The following MYEF2 variants were observed in gnomAD, a reference collection of about 807,000 sequenced individuals.
MYEF2 encodes myelin expression factor 2.
In MYEF2, 37 loss-of-function variants were observed where a neutral mutation model predicts 75.2. The observed-to-expected ratio is 0.49, with a 90% CI of 0.38 to 0.65. The LOEUF (loss-of-function observed/expected upper bound fraction) is 0.65, where lower values mean the gene tolerates loss of function less well. Ranked by LOEUF, MYEF2 falls within the 30% of genes least tolerant of loss-of-function variation. The pLI, the probability that MYEF2 is intolerant of heterozygous loss-of-function variation, is 0.00. For synonymous variants in MYEF2, 195 were observed against 241.6 expected (o/e 0.81, Z 1.79); for missense variants, 634 against 771.4 (o/e 0.82, Z 2.11).
intron 14 of MYEF2, among the ~76,000 whole-genome samples, chr15:48,150,165 C>T (rs2039438618): frequency 6.6e-6 from 1 of 151,864 alleles, no homozygotes; most frequent in Non-Finnish European, 1.5e-5. Flanking sequence ...CATGGAAATT[C>T]TAAAAATTAA....
Position 48,136,954 on chromosome 15 carries a change from G to T in MYEF2, c.*5954C>A. 6.2e-7 allele frequency: 1 copy of T among 1,605,842 alleles called. No individual in the cohort carries two copies. Among genetic ancestry groups the T allele is most frequent in the Non-Finnish European group, 8.5e-7 (1 of 1,174,072 alleles). ...TATAAGTTTACATGGCCTTAGTCAGGTTTCTGAAGGTAATCACTAAATCTT... is the reference window on the plus strand; with the variant it reads ...TATAAGTTTACATGGCCTTAGTCAGTTTTCTGAAGGTAATCACTAAATCTT... On this transcript the variant is annotated 3_prime_UTR_variant, in exon 17 of 17. Transcript: ENST00000324324.
intron 1 of MYEF2, 151 bp downstream of exon 1, chr15:48,177,926 A>G: frequency 9.2e-7 from 1 of 1,090,904 alleles, no homozygotes; most frequent in Non-Finnish European, 1.3e-6. Context: ...GGAGCGGCCC[A>G]GCTGCACCTG....
intron 9 of MYEF2, among the ~76,000 whole-genome samples, chr15:48,156,009 C>T (rs2039684147): frequency 2.0e-5 from 3 of 151,988 alleles, no homozygotes; most frequent in Admixed American, 2.0e-4. Context: ...AACTCCTGAC[C>T]TCAAGTGATC....
chr15:48,177,954 G>T, intron 1 of MYEF2, 123 bp downstream of exon 1: 10 of 1,305,660 alleles, frequency 7.7e-6, no homozygotes, highest in South Asian at 7.4e-5. Flanking sequence ...GGAAGCCGAT[G>T]GCCCGGGGGC....
At chr15:48,152,384 C>A in intron 10 of MYEF2, 100 bp from the exon 11 acceptor site, 1 of 938,300 alleles carries the variant, frequency 1.1e-6, no homozygotes. Flanking sequence ...CTGGTATAAC[C>A]ACAATGAAAC....
rs2039818841 is a variant in MYEF2 at position 48,158,930 on chromosome 15, T to C, written c.718-8A>G. ...ACCAACTTTGAAGTCAAGCTTAATA[T>C]AAAATTGTATAAAGTTACATACCTA... On this transcript the variant is annotated splice_region_variant and splice_polypyrimidine_tract_variant and intron_variant, in intron 6 of 16. Coordinates refer to ENST00000324324, the MANE Select transcript of MYEF2 (RefSeq NM_016132.5). The C allele has an allele frequency of 6.2e-7, 1 of 1,611,610 alleles. No individual in the cohort carries two copies. Among genetic ancestry groups the C allele is most frequent in the Non-Finnish European group, 8.5e-7 (1 of 1,178,472 alleles).
In MYEF2 at chr15:48,142,858, T is replaced by A; in HGVS notation, c.*50A>T. The stretch of plus-strand genomic sequence containing the variant: ...ATTACTTTAAAAAAATGACTTTTAC[T>A]AGGAGATTCAGCAAAACAGATGTAG... On this transcript the variant is annotated 3_prime_UTR_variant, in exon 17 of 17. Transcript: ENST00000324324. The A allele has an allele frequency of 6.6e-7, 1 of 1,508,960 alleles. No individual in the cohort carries two copies. Among genetic ancestry groups the A allele is most frequent in the Non-Finnish European group, 8.9e-7 (1 of 1,127,460 alleles). 93.5% of individuals were successfully genotyped at this position (1,508,960 alleles called of 1,614,324 possible).
intron 9 of MYEF2, chr15:48,154,108 A>T (rs2140856948): frequency 2.2e-6 from 1 of 445,284 alleles, no homozygotes; most frequent in African/African-American, 2.0e-5. Context: ...TATGAAATAA[A>T]ACATGATATA....
chr15:48,138,935 G>T lies in MYEF2; in HGVS notation c.*3973C>A. On this transcript the variant is annotated 3_prime_UTR_variant, in exon 17 of 17. Transcript: ENST00000324324. Reference sequence around the variant, plus strand: ...ATTTCTAACTTAATTAGCCATTTGAGAAAACTCAAAAGTGTTTACTTTTTC... The same window carrying T: ...ATTTCTAACTTAATTAGCCATTTGATAAAACTCAAAAGTGTTTACTTTTTC... 6.6e-7 allele frequency: 1 copy of T among 1,521,686 alleles called. No homozygotes were observed. Among genetic ancestry groups the T allele is most frequent in the Non-Finnish European group, 9.0e-7 (1 of 1,114,598 alleles). 94.3% of individuals were successfully genotyped at this position (1,521,686 alleles called of 1,614,324 possible). A position where few individuals can be genotyped will look rare whatever the true frequency, so the allele number is the denominator to read the frequency against.
chr15:48,161,070 T>C (rs558686206), intron 5 of MYEF2, among the ~76,000 whole-genome samples: 117 of 152,246 alleles, frequency 7.7e-4, no homozygotes, highest in Middle Eastern at 3.4e-3. Flanking sequence ...TTTGTGCTTA[T>C]AACATTAACA....
chr15:48,148,381 ACCACCTAATCTT>A (rs1486906367), intron 16 of MYEF2, among the ~76,000 whole-genome samples: 2 of 152,080 alleles, frequency 1.3e-5, no homozygotes, highest in Non-Finnish European at 2.9e-5. Flanking sequence ...AAAGTGATAA[ACCACCTAATCTT>A]CCACAGACCT....
At chr15:48,164,789 A>C (rs2040076226) in intron 5 of MYEF2, among the ~76,000 whole-genome samples, 1 of 152,198 alleles carries the variant, frequency 6.6e-6, no homozygotes. Context: ...TCAAATGATC[A>C]CTAGCATTTT....
intron 9 of MYEF2, chr15:48,157,639 T>C: frequency 7.3e-6 from 4 of 545,590 alleles, no homozygotes; most frequent in Non-Finnish European, 9.5e-6. Flanking sequence ...CCCAACTATG[T>C]AAAAAATATA....
At chr15:48,153,596 AC>A in intron 10 of MYEF2, 195 bp downstream of exon 10, 1 of 521,002 alleles carries the variant, frequency 1.9e-6, no homozygotes, top group Non-Finnish European at 3.4e-6. Flanking sequence ...CCCCAAAGAA[AC>A]CCTCCTGACT....
intron 7 of MYEF2, 88 bp downstream of exon 7, chr15:48,158,681 C>T: frequency 6.7e-7 from 1 of 1,496,066 alleles, no homozygotes; most frequent in Non-Finnish European, 9.2e-7. Context: ...AGCCAGGCAA[C>T]CTTAAATTCA....
At chr15:48,154,910 G>A (rs1052602211) in intron 9 of MYEF2, among the ~76,000 whole-genome samples, 1 of 151,972 alleles carries the variant, frequency 6.6e-6, no homozygotes, top group Non-Finnish European at 1.5e-5. Flanking sequence ...AATTCAGTAG[G>A]AAAGTGACTG....
At chr15:48,151,635 G>T in intron 12 of MYEF2, 64 bp from the exon 13 acceptor site, 1 of 1,434,444 alleles carries the variant, frequency 7.0e-7, no homozygotes, top group Non-Finnish European at 9.6e-7. Context: ...AAACATTCAG[G>T]AATGTATCTA....
At chr15:48,147,911 T>C (rs376925325) in intron 16 of MYEF2, among the ~76,000 whole-genome samples, 11 of 152,134 alleles carry the variant, frequency 7.2e-5, no homozygotes, top group African/African-American at 1.9e-4. Context: ...GCTTAACTTA[T>C]AAACTTTTCA....
chr15:48,168,348 A>G (rs1443966916), intron 2 of MYEF2, among the ~76,000 whole-genome samples: 1 of 152,136 alleles, frequency 6.6e-6, no homozygotes, highest in Non-Finnish European at 1.5e-5. Context: ...TAAAATCTAT[A>G]AAAACTTCAA....
Sources: allele counts gnomAD v4.1 joint callset (sites outside exome capture counted in the v4.1 genomes callset), GRCh38; gene constraint gnomAD v4.1.1; transcripts MANE v1.5; gene names NCBI Gene and HGNC (gene_info 2026-07-23, HGNC 2026-07-21).